Variants in EXOC6B observed in about 807,000 individuals in gnomAD.
EXOC6B encodes SEC15 homolog B.
In EXOC6B, 54 loss-of-function variants were observed where a neutral mutation model predicts 113.5. The ratio of observed to expected loss-of-function variants is 0.48; its 90% confidence interval spans 0.38 to 0.60. The LOEUF (loss-of-function observed/expected upper bound fraction) is 0.60. Among genes scored for constraint, EXOC6B ranks in the 20% least tolerant of loss-of-function variants. The probability of loss-of-function intolerance (pLI) is 0.00; values close to 1 mark genes in which losing one functional copy is unlikely to be tolerated. For synonymous variants in EXOC6B, 357 were observed against 339.0 expected, an observed-to-expected ratio of 1.05 and a Z score of -0.58; for missense variants, 797 against 977.5, an observed-to-expected ratio of 0.82 and a Z score of 2.46.
At chr2:72,525,515 C>T (rs1042329045) in intron 8 of EXOC6B, among the ~76,000 whole-genome samples, 2 of 152,218 alleles carry the variant, frequency 1.3e-5, no homozygotes, top group African/African-American at 4.8e-5. Context: ...CAAAGGCAGA[C>T]TTCCTCAATG....
intron 6 of EXOC6B, among the ~76,000 whole-genome samples, chr2:72,715,408 T>C (rs970178186): frequency 6.7e-6 from 1 of 148,814 alleles, no homozygotes. Flanking sequence ...AGCATCTACT[T>C]CAGAAGTATA....
chr2:72,816,552 G>A (rs1331603903), intron 1 of EXOC6B, among the ~76,000 whole-genome samples: 1 of 152,156 alleles, frequency 6.6e-6, no homozygotes, highest in African/African-American at 2.4e-5. Flanking sequence ...GACAAAAAAT[G>A]TTTGTTAGAT....
intron 1 of EXOC6B, among the ~76,000 whole-genome samples, chr2:72,769,030 C>A (rs1239848403): frequency 1.3e-5 from 2 of 151,972 alleles, no homozygotes; most frequent in Non-Finnish European, 2.9e-5. Flanking sequence ...AGATAGGTGG[C>A]AGTTTTGGCT....
intron 18 of EXOC6B, among the ~76,000 whole-genome samples, chr2:72,414,942 C>T (rs1302348070): frequency 2.0e-5 from 3 of 151,944 alleles, no homozygotes; most frequent in Non-Finnish European, 4.4e-5. Flanking sequence ...GACAAGGTTT[C>T]GCCATGTTGC....
chr2:72,691,010 A>G (rs1376357983), intron 6 of EXOC6B, among the ~76,000 whole-genome samples: 1 of 152,122 alleles, frequency 6.6e-6, no homozygotes, highest in East Asian at 1.9e-4. Context: ...TGTAATCCCA[A>G]TACTTCGAGA....
intron 20 of EXOC6B, among the ~76,000 whole-genome samples, chr2:72,237,596 A>T (rs1178077367): frequency 6.6e-6 from 1 of 152,248 alleles, no homozygotes; most frequent in African/African-American, 2.4e-5. Flanking sequence ...GGCAAAGTGA[A>T]TTTAAATGTG....
intron 1 of EXOC6B, among the ~76,000 whole-genome samples, chr2:72,748,530 G>A (rs966478286): frequency 1.3e-5 from 2 of 152,012 alleles, no homozygotes; most frequent in Admixed American, 1.3e-4. Flanking sequence ...ATCAATGACA[G>A]GAGAAGCATA....
At chr2:72,269,940 T>C (rs1426437616) in intron 20 of EXOC6B, among the ~76,000 whole-genome samples, 1 of 152,040 alleles carries the variant, frequency 6.6e-6, no homozygotes, top group African/African-American at 2.4e-5. Flanking sequence ...TCATCATATA[T>C]GAAGAATATG....
intron 18 of EXOC6B, among the ~76,000 whole-genome samples, chr2:72,456,922 G>T (rs771705872): frequency 5.9e-5 from 9 of 151,916 alleles, no homozygotes; most frequent in Non-Finnish European, 1.2e-4. Context: ...AGAAGGTGTG[G>T]TCCTTGAAAT....
chr2:72,393,917 A>G (rs1449719652), intron 18 of EXOC6B, among the ~76,000 whole-genome samples: 1 of 152,154 alleles, frequency 6.6e-6, no homozygotes, highest in Non-Finnish European at 1.5e-5. Context: ...CAAAGAAAAA[A>G]TATATATAAA....
At chr2:72,722,900 G>C (rs1680095018) in intron 5 of EXOC6B, among the ~76,000 whole-genome samples, 1 of 152,078 alleles carries the variant, frequency 6.6e-6, no homozygotes, top group Non-Finnish European at 1.5e-5. Context: ...GAAAACATCT[G>C]GTCTGTCAAA....
At chr2:72,338,825 G>GT (rs912736543) in intron 19 of EXOC6B, among the ~76,000 whole-genome samples, 5 of 150,504 alleles carry the variant, frequency 3.3e-5, no homozygotes, top group South Asian at 2.1e-4. Context: ...TTATGAGGGT[G>GT]TTTTTTTTTC....
chr2:72,276,888 A>G (rs1195049953), intron 20 of EXOC6B, among the ~76,000 whole-genome samples: 1 of 152,160 alleles, frequency 6.6e-6, no homozygotes, highest in Non-Finnish European at 1.5e-5. Context: ...TGGCACTTAA[A>G]TCACCACCTG....
At chr2:72,261,415 G>T (rs1683706950) in intron 20 of EXOC6B, among the ~76,000 whole-genome samples, 1 of 152,202 alleles carries the variant, frequency 6.6e-6, no homozygotes, top group African/African-American at 2.4e-5. Flanking sequence ...GAATCATAGA[G>T]TTGAAGGCTG....
intron 20 of EXOC6B, among the ~76,000 whole-genome samples, chr2:72,301,769 A>G (rs1172885078): frequency 1.3e-5 from 2 of 151,898 alleles, no homozygotes; most frequent in Non-Finnish European, 2.9e-5. Flanking sequence ...AGCATGTCTT[A>G]CTAATTTCTT....
At chr2:72,591,021 C>CA (rs1705914889) in intron 6 of EXOC6B, among the ~76,000 whole-genome samples, 1 of 151,856 alleles carries the variant, frequency 6.6e-6, no homozygotes, top group Admixed American at 6.6e-5. Context: ...AAAAGAATAG[C>CA]AAAAATTGCA....
At chr2:72,646,605 A>G (rs1199530643) in intron 6 of EXOC6B, among the ~76,000 whole-genome samples, 1 of 152,172 alleles carries the variant, frequency 6.6e-6, no homozygotes, top group Non-Finnish European at 1.5e-5. Context: ...ATCCACCACA[A>G]TCAAGTCGGC....
chr2:72,378,398 G>A (rs1444777474), intron 19 of EXOC6B, among the ~76,000 whole-genome samples: 1 of 152,148 alleles, frequency 6.6e-6, no homozygotes, highest in South Asian at 2.1e-4. Context: ...CTGCTTTCCT[G>A]TGTTACTGTT....
At chr2:72,798,417 T>C (rs1685094303) in intron 1 of EXOC6B, among the ~76,000 whole-genome samples, 2 of 151,990 alleles carry the variant, frequency 1.3e-5, no homozygotes. Flanking sequence ...TAAACTCTGA[T>C]CTGTAACATA....
Sources: gnomAD v4.1 joint callset for allele counts (sites outside exome capture counted in the v4.1 genomes callset) on GRCh38, gnomAD v4.1.1 for gene constraint, MANE v1.5 for transcripts, NCBI Gene and HGNC (gene_info 2026-07-23, HGNC 2026-07-21) for gene names.